ANO3: variants seen among roughly 807,000 people sequenced by gnomAD.
The protein encoded by ANO3 is anoctamin-3.
ANO3 carries 99 observed loss-of-function variants against 144.8 expected under a neutral mutation model. The observed-to-expected ratio is 0.68, with a 90% CI of 0.58 to 0.81. The LOEUF (loss-of-function observed/expected upper bound fraction) is 0.81. Among genes scored for constraint, ANO3 ranks in the 30% least tolerant of loss-of-function variants. The pLI is 0.00. For synonymous variants in ANO3, 414 were observed against 392.6 expected (o/e 1.05, Z -0.64); for missense variants, 905 against 1,202.2 (o/e 0.75, Z 3.66).
At chr11:26,549,572 C>T (rs423293) in intron 12 of ANO3, among the ~76,000 whole-genome samples, 100,103 of 151,754 alleles carry the variant, frequency 0.66, 33,297 homozygotes, top group East Asian at 0.83. Flanking sequence ...AAGTTATGTC[C>T]AACTAAATTA....
chr11:26,389,735 C>A (rs1389314827), intron 1 of ANO3, among the ~76,000 whole-genome samples: 3 of 151,730 alleles, frequency 2.0e-5, no homozygotes, highest in African/African-American at 7.3e-5. Flanking sequence ...TTTTATGGTG[C>A]TTCATTATTC....
intron 1 of ANO3, among the ~76,000 whole-genome samples, chr11:26,392,501 G>A (rs1856908619): frequency 6.6e-6 from 1 of 151,848 alleles, no homozygotes; most frequent in South Asian, 2.1e-4. Flanking sequence ...TTTAATAGGG[G>A]TGAGATATTA....
intron 4 of ANO3, among the ~76,000 whole-genome samples, chr11:26,480,521 T>C (rs1317084063): frequency 6.6e-6 from 1 of 152,016 alleles, no homozygotes; most frequent in Admixed American, 6.6e-5. Context: ...AATTCCAAAA[T>C]TACCTGAGCA....
At chr11:26,327,283 A>T (rs1344077098), upstream of ANO3, among the ~76,000 whole-genome samples, 1 of 152,184 alleles carries the variant, frequency 6.6e-6, no homozygotes, top group Non-Finnish European at 1.5e-5. Context: ...CTGGTAGAAA[A>T]GTATGCGCCT....
chr11:26,363,829 CA>C (rs11424661), intron 1 of ANO3, among the ~76,000 whole-genome samples: 59 of 147,748 alleles, frequency 4.0e-4, no homozygotes, highest in South Asian at 3.6e-3. Flanking sequence ...ATACATACTG[CA>C]AAAAAAAAAA....
intron 1 of ANO3, among the ~76,000 whole-genome samples, chr11:26,242,760 T>C (rs1392191592): frequency 6.6e-6 from 1 of 152,178 alleles, no homozygotes; most frequent in African/African-American, 2.4e-5. Flanking sequence ...AAAGTGTGCA[T>C]TAAATACCTC....
intron 1 of ANO3, among the ~76,000 whole-genome samples, chr11:26,399,562 G>A (rs1251559457): frequency 6.6e-6 from 1 of 151,500 alleles, no homozygotes; most frequent in Non-Finnish European, 1.5e-5. Flanking sequence ...GGAGTGGCAG[G>A]GAGCTCAGGC....
intron 1 of ANO3, among the ~76,000 whole-genome samples, chr11:26,385,824 TACACACACACAC>T (rs71047847): frequency 9.3e-4 from 129 of 137,988 alleles, no homozygotes; most frequent in Middle Eastern, 3.7e-3. Flanking sequence ...TTCACACACA[TACACACACACAC>T]ACACACACAC....
intron 20 of ANO3, among the ~76,000 whole-genome samples, chr11:26,636,887 CT>C (rs1339391064): frequency 1.3e-5 from 2 of 152,176 alleles, no homozygotes; most frequent in East Asian, 3.9e-4. Flanking sequence ...TGTCACTTAG[CT>C]TTATCATCTG....
chr11:26,646,345 G>C (rs10835042), intron 23 of ANO3, among the ~76,000 whole-genome samples: 2 of 151,840 alleles, frequency 1.3e-5, no homozygotes, highest in South Asian at 4.1e-4. Flanking sequence ...ATATAAATAT[G>C]TACATAGTTA....
chr11:26,338,949 T>G (rs1855274742), intron 1 of ANO3, among the ~76,000 whole-genome samples: 1 of 152,170 alleles, frequency 6.6e-6, no homozygotes, highest in Non-Finnish European at 1.5e-5. Flanking sequence ...AGGAATAAAT[T>G]CCGGACACAC....
chr11:26,205,063 G>A (rs940499977), intron 1 of ANO3, among the ~76,000 whole-genome samples: 2 of 152,134 alleles, frequency 1.3e-5, no homozygotes, highest in Non-Finnish European at 2.9e-5. Context: ...ACCAAGCAAA[G>A]GGGGAAGCCC....
chr11:26,411,150 T>C (rs896448321), intron 1 of ANO3, among the ~76,000 whole-genome samples: 1 of 152,036 alleles, frequency 6.6e-6, no homozygotes. Flanking sequence ...CTTTCATTAT[T>C]TTATCTAGTC....
chr11:26,479,510 G>A (rs1860123190), intron 4 of ANO3, among the ~76,000 whole-genome samples: 1 of 152,072 alleles, frequency 6.6e-6, no homozygotes, highest in South Asian at 2.1e-4. Context: ...CTTGCGTGGG[G>A]GCAGGCAGAG....
At chr11:26,420,656 A>G (rs1440764975) in intron 1 of ANO3, among the ~76,000 whole-genome samples, 3 of 152,004 alleles carry the variant, frequency 2.0e-5, no homozygotes, top group Non-Finnish European at 4.4e-5. Flanking sequence ...CCTTAGCTAT[A>G]ATTGTCTCTA....
intron 1 of ANO3, among the ~76,000 whole-genome samples, chr11:26,237,912 T>C (rs1852571107): frequency 6.6e-6 from 1 of 152,152 alleles, no homozygotes; most frequent in South Asian, 2.1e-4. Flanking sequence ...CACAAGTTAG[T>C]ATAAAATTCA....
At chr11:26,476,501 A>G (rs1005743772) in intron 4 of ANO3, among the ~76,000 whole-genome samples, 7 of 152,118 alleles carry the variant, frequency 4.6e-5, no homozygotes, top group Non-Finnish European at 4.4e-5. Context: ...AACTGAGCAC[A>G]AGGATGGCCA....
At chr11:26,416,156 GTAA>G (rs1857580403) in intron 1 of ANO3, among the ~76,000 whole-genome samples, 4 of 151,964 alleles carry the variant, frequency 2.6e-5, no homozygotes, top group Non-Finnish European at 5.9e-5. Flanking sequence ...TCTACCCTAA[GTAA>G]AATAGTATGC....
chr11:26,479,900 C>T (rs1325045869), intron 4 of ANO3, among the ~76,000 whole-genome samples: 2 of 152,066 alleles, frequency 1.3e-5, no homozygotes, highest in Non-Finnish European at 2.9e-5. Context: ...AATCATGCAA[C>T]ATTAGGAAAA....
Sources: allele counts gnomAD v4.1 joint callset (sites outside exome capture counted in the v4.1 genomes callset), GRCh38; gene constraint gnomAD v4.1.1; transcripts MANE v1.5; gene names NCBI Gene and HGNC (gene_info 2026-07-23, HGNC 2026-07-21).